MEGF11: variants seen among roughly 807,000 people sequenced by gnomAD.
The protein encoded by MEGF11 is multiple epidermal growth factor-like domains protein 11.
A neutral mutation model predicts 146.6 loss-of-function variants in MEGF11; 126 were observed. The observed-to-expected ratio is 0.86, with a 90% confidence interval of 0.74 to 1.00. MEGF11 has a LOEUF of 1.00. Among genes scored for constraint, MEGF11 ranks in the 50% least tolerant of loss-of-function variants. MEGF11 has a pLI of 0.00. For synonymous variants in MEGF11, 532 were observed against 583.4 expected (o/e 0.91, Z 1.27); for missense variants, 1,509 against 1,521.2 (o/e 0.99, Z 0.13).
At chr15:65,942,974 CTTTTTTTTTTTTTTTTTT>C (rs58874869) in intron 10 of MEGF11, among the ~76,000 whole-genome samples, 1 of 47,620 alleles carries the variant, frequency 2.1e-5, no homozygotes, top group Non-Finnish European at 3.5e-5. Context: ...AACAACTTGG[CTTTTTTTTTTTTTTTTTT>C]TTTTTTTTTT....
intron 5 of MEGF11, among the ~76,000 whole-genome samples, chr15:66,050,183 C>T (rs892395797): frequency 2.0e-5 from 3 of 152,204 alleles, no homozygotes; most frequent in Non-Finnish European, 2.9e-5. Context: ...TCTCAGCCTC[C>T]CGAGTAGCTG....
At chr15:66,069,203 C>T (rs1014911858) in intron 5 of MEGF11, among the ~76,000 whole-genome samples, 12 of 152,196 alleles carry the variant, frequency 7.9e-5, no homozygotes, top group Non-Finnish European at 1.6e-4. Flanking sequence ...TATCCCTTAC[C>T]GTCCAAGTCT....
chr15:66,100,786 T>C (rs1191738690), intron 4 of MEGF11, among the ~76,000 whole-genome samples: 1 of 147,308 alleles, frequency 6.8e-6, no homozygotes, highest in Non-Finnish European at 1.5e-5. Flanking sequence ...GTTCCTTCTT[T>C]CGTGGTACCA....
intron 10 of MEGF11, among the ~76,000 whole-genome samples, chr15:65,942,414 AAGGTTTCAAGACTTT>A (rs2141380152): frequency 6.6e-6 from 1 of 152,360 alleles, no homozygotes; most frequent in East Asian, 1.9e-4. Flanking sequence ...TGAAGTACAA[AAGGTTTCAAGACTTT>A]AGGGTATAAA....
intron 19 of MEGF11, among the ~76,000 whole-genome samples, chr15:65,914,657 A>C (rs1459401558): frequency 6.6e-6 from 1 of 152,150 alleles, no homozygotes; most frequent in Admixed American, 6.5e-5. Context: ...CTTCTCCTTG[A>C]CTGTTGGCTG....
chr15:66,079,512 C>T (rs8034323), intron 5 of MEGF11, among the ~76,000 whole-genome samples: 95,007 of 146,408 alleles, frequency 0.65, 31,332 homozygotes, highest in South Asian at 0.73. Flanking sequence ...ACCCTAACAA[C>T]CTCCACCTGG....
chr15:66,115,544 T>C (rs72475945), intron 4 of MEGF11, among the ~76,000 whole-genome samples: 26,480 of 151,988 alleles, frequency 0.17, 2,772 homozygotes, highest in East Asian at 0.37. Flanking sequence ...TATGTTAAAG[T>C]CTCAAGCTGC....
chr15:65,923,119 G>A, intron 13 of MEGF11, 150 bp from the exon 14 acceptor site: 2 of 800,394 alleles, frequency 2.5e-6, no homozygotes, highest in Middle Eastern at 3.6e-4. Flanking sequence ...AGGCTTGGCT[G>A]GTCATGGAGG....
chr15:66,088,818 G>A (rs1048684157), intron 5 of MEGF11, among the ~76,000 whole-genome samples: 1 of 152,146 alleles, frequency 6.6e-6, no homozygotes, highest in Non-Finnish European at 1.5e-5. Flanking sequence ...GCAGATTGTT[G>A]GTTGCCAAGG....
chr15:65,925,227 T>A (rs181813598), intron 13 of MEGF11, among the ~76,000 whole-genome samples: 1 of 152,252 alleles, frequency 6.6e-6, no homozygotes, highest in African/African-American at 2.4e-5. Context: ...AAAGTATAGC[T>A]ACTCTCATTG....
At chr15:66,192,233 C>T (rs1015719219) in intron 1 of MEGF11, among the ~76,000 whole-genome samples, 2 of 151,888 alleles carry the variant, frequency 1.3e-5, no homozygotes, top group Admixed American at 6.6e-5. Flanking sequence ...TTTGAGAGGC[C>T]GAGGCGGGGA....
At chr15:66,118,623 T>C (rs576043401) in intron 4 of MEGF11, among the ~76,000 whole-genome samples, 1 of 152,308 alleles carries the variant, frequency 6.6e-6, no homozygotes, top group South Asian at 2.1e-4. Flanking sequence ...ACTGTGGTTT[T>C]GACATCCAAC....
intron 1 of MEGF11, among the ~76,000 whole-genome samples, chr15:66,173,763 C>T (rs535681552): frequency 5.5e-4 from 84 of 152,182 alleles, no homozygotes; most frequent in Non-Finnish European, 1.1e-3. Context: ...GAGCTGTTCA[C>T]GAAGGGTCCA....
intron 5 of MEGF11, among the ~76,000 whole-genome samples, chr15:66,006,039 G>T (rs1316007485): frequency 1.3e-5 from 2 of 152,192 alleles, no homozygotes; most frequent in African/African-American, 4.8e-5. Context: ...GGCGCTGTAC[G>T]ATGTTTGGTA....
chr15:66,166,114 G>A (rs1011431817), intron 1 of MEGF11, among the ~76,000 whole-genome samples: 1 of 152,006 alleles, frequency 6.6e-6, no homozygotes, highest in African/African-American at 2.4e-5. Flanking sequence ...GATCCATATC[G>A]CCAGCTGCCT....
intron 1 of MEGF11, among the ~76,000 whole-genome samples, chr15:66,160,703 ACACC>A (rs200421806): frequency 0.01 from 1,554 of 149,992 alleles, 27 homozygotes; most frequent in African/African-American, 0.036. Flanking sequence ...ACACACACAC[ACACC>A]CTTGCCCTAG....
At chr15:65,972,862 C>T (rs762303402) in intron 7 of MEGF11, among the ~76,000 whole-genome samples, 5 of 152,026 alleles carry the variant, frequency 3.3e-5, no homozygotes, top group African/African-American at 9.7e-5. Context: ...CGGTGGCTCA[C>T]GCCTGTAATC....
At chr15:66,160,563 G>T (rs1226390687) in intron 1 of MEGF11, among the ~76,000 whole-genome samples, 1 of 152,030 alleles carries the variant, frequency 6.6e-6, no homozygotes, top group African/African-American at 2.4e-5. Context: ...ACATCCATGA[G>T]GGTAAGGTAG....
At chr15:65,977,877 C>G (rs1175994733) in intron 7 of MEGF11, among the ~76,000 whole-genome samples, 1 of 152,202 alleles carries the variant, frequency 6.6e-6, no homozygotes, top group Non-Finnish European at 1.5e-5. Context: ...CTCTCTGTCT[C>G]TAGTGCCCAC....
Sources: gnomAD v4.1 joint callset for allele counts (sites outside exome capture counted in the v4.1 genomes callset) on GRCh38, gnomAD v4.1.1 for gene constraint, MANE v1.5 for transcripts, NCBI Gene and HGNC (gene_info 2026-07-23, HGNC 2026-07-21) for gene names.